NSD1: variants seen among roughly 807,000 people sequenced by gnomAD.
NSD1 encodes the protein histone-lysine N-methyltransferase, H3 lysine-36 specific.
A neutral mutation model predicts 242.7 loss-of-function variants in NSD1; 26 were observed. The ratio of observed to expected loss-of-function variants is 0.11; its 90% CI spans 0.08 to 0.15. The LOEUF (loss-of-function observed/expected upper bound fraction) is 0.15, where lower values mean the gene tolerates loss of function less well. NSD1 is among the 10% of genes least tolerant of loss of function. The pLI is 1.00. For missense variants in NSD1, 2,495 were observed against 3,272.8 expected, an observed-to-expected ratio of 0.76 and a Z score of 5.80; for synonymous variants, 1,106 against 1,178.1, an observed-to-expected ratio of 0.94 and a Z score of 1.25.
At chr5:177,273,608 A>G (rs866314699) in intron 16 of NSD1, 64 bp from the exon 17 acceptor site, 52 of 1,266,014 alleles carry the variant, frequency 4.1e-5, no homozygotes, top group Non-Finnish European at 5.3e-5. Flanking sequence ...AGTAAAAAAT[A>G]AGTGAATAAA....
chr5:177,149,949 CTTTTT>C (rs937056402), intron 2 of NSD1, among the ~76,000 whole-genome samples: 8 of 151,688 alleles, frequency 5.3e-5, no homozygotes, highest in African/African-American at 1.5e-4. Flanking sequence ...TATTTCTTTT[CTTTTT>C]TTGAGACAGT....
intron 2 of NSD1, among the ~76,000 whole-genome samples, chr5:177,175,555 A>G (rs1419846364): frequency 6.6e-6 from 1 of 152,104 alleles, no homozygotes; most frequent in Non-Finnish European, 1.5e-5. Context: ...CTTGAGCTCA[A>G]TAGGTATAAT....
intron 2 of NSD1, among the ~76,000 whole-genome samples, chr5:177,158,202 G>GT (rs1758292270): frequency 6.6e-6 from 1 of 151,856 alleles, no homozygotes; most frequent in African/African-American, 2.4e-5. Flanking sequence ...TGGTTGCACC[G>GT]TTTTACAGTC....
At chr5:177,231,655 G>T (rs1765067386) in intron 5 of NSD1, among the ~76,000 whole-genome samples, 1 of 152,026 alleles carries the variant, frequency 6.6e-6, no homozygotes, top group African/African-American at 2.4e-5. Flanking sequence ...CCTGGCCTCA[G>T]GTGATCCGCC....
chr5:177,176,876 C>A (rs1038907998), intron 2 of NSD1, among the ~76,000 whole-genome samples: 2 of 152,110 alleles, frequency 1.3e-5, no homozygotes, highest in Admixed American at 1.3e-4. Flanking sequence ...ATATCCATTT[C>A]TTGGGGATCA....
In NSD1 at chr5:177,133,997, G is replaced by C. The variant is rs1756067224; in HGVS notation, c.-18+45G>C. On this transcript the variant is annotated intron_variant, in intron 1 of 22. Coordinates refer to ENST00000439151, the MANE Select transcript of NSD1 (RefSeq NM_022455.5). This position sits in a 1 kb window ranked among gnomAD's most constrained non-coding sequence, Gnocchi z 6.2. ...GGGCGGCGGGCAGGCGCGAGGAGAA[G>C]GGAGGGAGGAGGGTGGCCGGGCGGG... The C allele has an allele frequency of 1.3e-5, 2 of 157,926 alleles. No individual in the cohort carries two copies. Among genetic ancestry groups the C allele is most frequent in the Admixed American group, 1.3e-4 (2 of 15,686 alleles). 9.8% of individuals were successfully genotyped at this position (157,926 alleles called of 1,614,324 possible). A position where few individuals can be genotyped will look rare whatever the true frequency, so the allele number is the denominator to read the frequency against.
At chr5:177,224,805 A>G (rs954546689) in intron 5 of NSD1, among the ~76,000 whole-genome samples, 1 of 151,638 alleles carries the variant, frequency 6.6e-6, no homozygotes, top group African/African-American at 2.4e-5. Context: ...ATTAACTATG[A>G]TGTCAGCTGT....
At chr5:177,165,092 C>A (rs1007013965) in intron 2 of NSD1, among the ~76,000 whole-genome samples, 1 of 152,036 alleles carries the variant, frequency 6.6e-6, no homozygotes, top group African/African-American at 2.4e-5. Context: ...CATAGGGAAA[C>A]CTCATCTCCA....
At chr5:177,292,199 C>G in intron 22 of NSD1, 41 bp downstream of exon 22, 1 of 1,594,966 alleles carries the variant, frequency 6.3e-7, no homozygotes, top group Non-Finnish European at 8.6e-7. Flanking sequence ...TCGTTCTCTC[C>G]ATCATACTCA....
chr5:177,185,767 A>T (rs1384670954), intron 2 of NSD1, among the ~76,000 whole-genome samples: 2 of 75,798 alleles, frequency 2.6e-5, no homozygotes, highest in African/African-American at 6.2e-5. Context: ...TATTTTATAT[A>T]TTTATATATT....
chr5:177,180,394 C>G (rs1760560204), intron 2 of NSD1, among the ~76,000 whole-genome samples: 2 of 152,184 alleles, frequency 1.3e-5, no homozygotes, highest in South Asian at 4.1e-4. Context: ...GCATGAGCCA[C>G]TGCACCTGGC....
chr5:177,261,713 G>T (rs776957799), intron 14 of NSD1, among the ~76,000 whole-genome samples: 1 of 152,014 alleles, frequency 6.6e-6, no homozygotes, highest in Non-Finnish European at 1.5e-5. Context: ...TTTTGTAATG[G>T]TATTTTTCTA....
chr5:177,248,355 A>G, intron 11 of NSD1, 31 bp downstream of exon 11: 1 of 1,607,634 alleles, frequency 6.2e-7, no homozygotes, highest in Non-Finnish European at 8.5e-7. Context: ...TTGTGTTTTC[A>G]TTGCATGTTC....
At chr5:177,136,201 CTG>C in intron 2 of NSD1, 171 bp downstream of exon 2, 1 of 614,984 alleles carries the variant, frequency 1.6e-6, no homozygotes, top group Non-Finnish European at 2.9e-6. Flanking sequence ...AAATTTATCT[CTG>C]TTGTATGAAT....
rs35034666 is a variant in NSD1 at position 177,257,973 on chromosome 5, C to CTTTTTTTT, written c.4966+839_4966+846dup. ...GCCACCACGCGTGGCCCCCCTGGGCCTTTTTTTTTTTTTTTTTTTTTTTTG... is the reference window on the plus strand; with the variant it reads ...GCCACCACGCGTGGCCCCCCTGGGCCTTTTTTTTTTTTTTTTTTTTTTTTTTTTTTTTG... On this transcript the variant is annotated intron_variant, in intron 13 of 22. Transcript: ENST00000439151. Among the ~76,000 whole-genome samples the CTTTTTTTT allele has an allele frequency of 4.8e-4, 25 of 52,562 alleles. 2 individuals are homozygous for CTTTTTTTT. Among genetic ancestry groups the CTTTTTTTT allele is most frequent in the African/African-American group, 8.8e-4 (11 of 12,532 alleles). The allele number at this position is 52,562 out of a possible 152,430, so 34.5% of individuals were successfully genotyped here.
intron 14 of NSD1, chr5:177,265,221 C>G (rs1408596812): frequency 2.6e-6 from 2 of 777,104 alleles, no homozygotes; most frequent in African/African-American, 3.4e-5. Flanking sequence ...GGAACCTATT[C>G]CCTATGAATT....
intron 14 of NSD1, among the ~76,000 whole-genome samples, chr5:177,264,037 T>TA (rs1757214053): frequency 9.5e-6 from 1 of 105,422 alleles, no homozygotes; most frequent in African/African-American, 3.2e-5. Context: ...AATTTTTTTT[T>TA]TTTTTTTTTT....
At chr5:177,173,805 C>T (rs556934719) in intron 2 of NSD1, among the ~76,000 whole-genome samples, 2 of 152,118 alleles carry the variant, frequency 1.3e-5, no homozygotes, top group South Asian at 2.1e-4. Context: ...AAAAGTTTAT[C>T]GACGTGTGTG....
At chr5:177,246,932 G>T in intron 10 of NSD1, 136 bp downstream of exon 10, 1 of 701,294 alleles carries the variant, frequency 1.4e-6, no homozygotes. Context: ...AGGAATCTTG[G>T]AGGAAAAGTA....
Sources: allele counts gnomAD v4.1 joint callset (sites outside exome capture counted in the v4.1 genomes callset), GRCh38; gene constraint gnomAD v4.1.1; non-coding constraint Gnocchi (gnomAD v3.1); transcripts MANE v1.5; gene names NCBI Gene and HGNC (gene_info 2026-07-23, HGNC 2026-07-21).